Variants in SRRD observed in about 807,000 individuals in gnomAD.
SRRD encodes the protein SRR1-like protein.
SRRD carries 28 observed loss-of-function variants against 30.7 expected under a neutral mutation model. The observed-to-expected ratio is 0.91, with a 90% confidence interval of 0.68 to 1.25. SRRD has a LOEUF of 1.25. Among genes scored for constraint, SRRD ranks in the 50% most tolerant of loss-of-function variants. The pLI is 0.00. For missense variants in SRRD, 415 were observed against 417.3 expected (o/e 0.99, Z 0.05); for synonymous variants, 161 against 159.6 (o/e 1.01, Z -0.07).
chr22:26,488,484 A>G lies in SRRD; in HGVS notation c.605A>G (p.Asn202Ser), dbSNP rs1245212551. ...CTTGGTGTGACTGTTCTCAGTGAGA[A>G]CGAGGTAAGTGGTTTAAAGGGGAGC... ...NTLGVTVLSE[N>S]EEGKRSIRGE... Residue 202 changes from asparagine to serine, a missense_variant, in exon 4 of 7, where the codon AAC (asparagine) becomes AGC (serine). Physicochemically the swap from Asn to Ser is conservative, Grantham distance 46. Coordinates refer to ENST00000215917, the MANE Select transcript of SRRD (RefSeq NM_001013694.3). The G allele has an allele frequency of 6.2e-7, 1 of 1,613,176 alleles. No individual in the cohort carries two copies. Among genetic ancestry groups the G allele is most frequent in the Non-Finnish European group, 8.5e-7 (1 of 1,179,198 alleles).
rs145968579 is a variant in SRRD, at chr22:26,492,075, C to T, written c.*403C>T. On this transcript the variant is annotated 3_prime_UTR_variant, in exon 7 of 7. Transcript: ENST00000215917. The stretch of plus-strand genomic sequence containing the variant: ...GGCACCCACGTCTTCTCGCCCTGGA[C>T]AAAGACCACTCCCCGGTCGATGTAG... The T allele has an allele frequency of 8.7e-6, 14 of 1,612,720 alleles. No individual in the cohort carries two copies. Among genetic ancestry groups the T allele is most frequent in the Non-Finnish European group, 1.1e-5 (13 of 1,179,502 alleles).
rs2147113706 is a variant in SRRD, at chr22:26,491,740, T to C, written c.*68T>C. On this transcript the variant is annotated 3_prime_UTR_variant, in exon 7 of 7. Coordinates refer to ENST00000215917, the MANE Select transcript of SRRD (RefSeq NM_001013694.3). ...CACCAGAGACTAAAGGGAAGGCTGC[T>C]ATGGAGGAACTACAGAGAACTCCTT... 1.4e-6 allele frequency: 2 copies of C among 1,425,008 alleles called. No homozygotes were observed. Among genetic ancestry groups the C allele is most frequent in the Non-Finnish European group, 1.9e-6 (2 of 1,036,286 alleles). The allele number at this position is 1,425,008 out of a possible 1,614,324, so 88.3% of individuals were successfully genotyped here.
chr22:26,494,522 C>T lies in SRRD; in HGVS notation c.*2850C>T. 1.4e-6 allele frequency: 1 copy of T among 705,690 alleles called. No homozygotes were observed. Among genetic ancestry groups the T allele is most frequent in the Non-Finnish European group, 2.3e-6 (1 of 429,396 alleles). The allele number at this position is 705,690 out of a possible 1,614,324, so 43.7% of individuals were successfully genotyped here. A position where few individuals can be genotyped will look rare whatever the true frequency, so the allele number is the denominator to read the frequency against. On this transcript the variant is annotated 3_prime_UTR_variant, in exon 7 of 7. Coordinates refer to ENST00000215917, the MANE Select transcript of SRRD (RefSeq NM_001013694.3). ...TGCATGTAAACTCTCTGAGCCTCAG[C>T]TTCCATGTCTACACAACAGGGATAC... is the stretch of plus-strand genomic sequence containing the variant.
In SRRD at chr22:26,483,915, C is replaced by G; in HGVS notation, c.25C>G (p.Leu9Val). Residue 9 changes from leucine (L) to valine (V), a missense_variant, in exon 1 of 7, where the codon CTG becomes GTG. Transcript: ENST00000215917. MAAAAAAA[L>V]ESWQAAAPRK... is the part of the protein sequence containing the mutation. The stretch of plus-strand genomic sequence containing the variant: ...AATGGCTGCGGCCGCAGCTGCGGCG[C>G]TGGAATCCTGGCAGGCGGCGGCTCC... 3.0e-6 allele frequency: 4 copies of G among 1,350,024 alleles called. No homozygotes were observed. In the South Asian group the frequency reaches 5.7e-5, roughly 19 times the overall value. 83.6% of individuals were successfully genotyped at this position (1,350,024 alleles called of 1,614,324 possible).
rs1055821757 is a variant in SRRD at position 26,493,908 on chromosome 22, G to C, written c.*2236G>C. 2.0e-6 allele frequency: 1 copy of C among 509,394 alleles called. No individual in the cohort carries two copies. The highest frequency in any genetic ancestry group is 1.9e-5 in the African/African-American group (1 of 51,700). 31.6% of individuals were successfully genotyped at this position (509,394 alleles called of 1,614,324 possible). A position where few individuals can be genotyped will look rare whatever the true frequency, so the allele number is the denominator to read the frequency against. ...CTGACATCATCTGAATCCAGCTTAAGTCAGTCTCCACTCAGGGAAGATGCC... is the reference window on the plus strand; with the variant it reads ...CTGACATCATCTGAATCCAGCTTAACTCAGTCTCCACTCAGGGAAGATGCC... On this transcript the variant is annotated 3_prime_UTR_variant, in exon 7 of 7. Coordinates refer to ENST00000215917, the MANE Select transcript of SRRD (RefSeq NM_001013694.3).
chr22:26,494,446 T>A lies in SRRD; in HGVS notation c.*2774T>A, dbSNP rs550219010. ...AGGGATTTATAGTAGCTAAACAGTCTAGCACTTATGAATATGGATTTTGGA... is the reference window on the plus strand; with the variant it reads ...AGGGATTTATAGTAGCTAAACAGTCAAGCACTTATGAATATGGATTTTGGA... On this transcript the variant is annotated 3_prime_UTR_variant, in exon 7 of 7. Coordinates refer to ENST00000215917, the MANE Select transcript of SRRD (RefSeq NM_001013694.3). The A allele has an allele frequency of 1.2e-4, 124 of 1,007,714 alleles. 4 individuals are homozygous for A. The South Asian group carries it at 1.8e-3, about 14-fold the overall frequency. The allele number at this position is 1,007,714 out of a possible 1,614,324, so 62.4% of individuals were successfully genotyped here. A position where few individuals can be genotyped will look rare whatever the true frequency, so the allele number is the denominator to read the frequency against.
rs1225189060 is a variant in SRRD, at chr22:26,488,493, G to C, written c.609+5G>C. On this transcript the variant is annotated splice_donor_5th_base_variant and intron_variant, in intron 4 of 6. Coordinates refer to ENST00000215917, the MANE Select transcript of SRRD (RefSeq NM_001013694.3). ...ACTGTTCTCAGTGAGAACGAGGTAA[G>C]TGGTTTAAAGGGGAGCAGACAGAAC... The C allele has an allele frequency of 6.2e-7, 1 of 1,609,210 alleles. No homozygotes were observed. The highest frequency in any genetic ancestry group is 1.7e-5 in the Admixed American group (1 of 60,032).
rs1431192452 is a variant in SRRD, at chr22:26,491,006, G to A, written c.765-19G>A. 2.5e-6 allele frequency: 4 copies of A among 1,587,766 alleles called. No individual in the cohort carries two copies. The African/African-American group carries it at 5.6e-5, about 22-fold the overall frequency. On this transcript the variant is annotated intron_variant, in intron 5 of 6. Transcript: ENST00000215917. ...CATGGTGTTTTTTTTTTGTTTTTTT[G>A]GTTTTTTTTAATTTCTAGGTTGTTG...
chr22:26,490,559 C>CTTTTGTTTTTTTT (rs1921026177), intron 5 of SRRD, among the ~76,000 whole-genome samples: 1 of 51,832 alleles, frequency 1.9e-5, no homozygotes, highest in South Asian at 1.0e-3. Flanking sequence ...GGAATATTTG[C>CTTTTGTTTTTTTT]TTTTTTTTTT....
rs1456175742 is a variant in SRRD, at chr22:26,490,129, G to GT, written c.696dup (p.Asn233Ter). The GT allele has an allele frequency of 6.2e-7, 1 of 1,614,150 alleles. No homozygotes were observed. The highest frequency in any genetic ancestry group is 1.7e-5 in the Admixed American group (1 of 60,018). On this transcript the variant is annotated frameshift_variant, in exon 5 of 7. Coordinates refer to ENST00000215917, the MANE Select transcript of SRRD (RefSeq NM_001013694.3). LOFTEE classifies it high-confidence loss of function. ...GCCTTGTACAACAATCTTTTATGGA[G>GT]TAACTGGTCAGTAGATGCCCTTTCT...
At chr22:26,491,148 G>C (rs376016193) in intron 6 of SRRD, 78 bp downstream of exon 6, 11 of 1,454,288 alleles carry the variant, frequency 7.6e-6, no homozygotes, top group Non-Finnish European at 1.0e-5. Flanking sequence ...TACAGGCGTA[G>C]GAGGAAACTC....
rs1921602140 is a variant in SRRD at position 26,494,096 on chromosome 22, G to T, written c.*2424G>T. 6.2e-7 allele frequency: 1 copy of T among 1,605,486 alleles called. No homozygotes were observed. The highest frequency in any genetic ancestry group is 8.5e-7 in the Non-Finnish European group (1 of 1,174,620). ...TGTGTCATTTACATGTGTAAAATCT[G>T]AAACTTGGGGCCAGGACATCCAAAA... is the stretch of plus-strand genomic sequence containing the variant. On this transcript the variant is annotated 3_prime_UTR_variant, in exon 7 of 7. Transcript: ENST00000215917.
intron 6 of SRRD, 93 bp from the exon 7 acceptor site, chr22:26,491,370 A>G: frequency 9.7e-7 from 1 of 1,028,882 alleles, no homozygotes; most frequent in Non-Finnish European, 1.5e-6. Context: ...TAAAAAGTAA[A>G]GTGGGGATGA....
At chr22:26,484,154 C>A in intron 1 of SRRD, 55 bp downstream of exon 1, 1 of 1,483,746 alleles carries the variant, frequency 6.7e-7, no homozygotes, top group Non-Finnish European at 9.0e-7. Flanking sequence ...AATTCTGAGC[C>A]ACAGTCTCCC....
intron 5 of SRRD, 42 bp downstream of exon 5, chr22:26,490,240 A>G: frequency 6.2e-7 from 1 of 1,606,788 alleles, no homozygotes; most frequent in African/African-American, 1.3e-5. Flanking sequence ...CCCTGAGGTG[A>G]AGCCCATACC....
chr22:26,487,973 T>C, intron 2 of SRRD, 56 bp from the exon 3 acceptor site: 1 of 1,526,562 alleles, frequency 6.6e-7, no homozygotes, highest in Non-Finnish European at 8.8e-7. Flanking sequence ...GTGGATGATT[T>C]GGTTCACAGG....
In SRRD at chr22:26,491,844, C is replaced by A; in HGVS notation, c.*172C>A. 2 of 917,530 alleles carry A rather than the reference C, an allele frequency of 2.2e-6. No homozygotes were observed. Among genetic ancestry groups the A allele is most frequent in the Non-Finnish European group, 3.2e-6 (2 of 621,472 alleles). The allele number at this position is 917,530 out of a possible 1,614,324, so 56.8% of individuals were successfully genotyped here. ...TGAGGACTTGGTATAAAGATTCCTG[C>A]CCTACGTGGCATTGTCCCATTTTAC... On this transcript the variant is annotated 3_prime_UTR_variant, in exon 7 of 7. Coordinates refer to ENST00000215917, the MANE Select transcript of SRRD (RefSeq NM_001013694.3).
chr22:26,492,484 C>T lies in SRRD; in HGVS notation c.*812C>T. On this transcript the variant is annotated 3_prime_UTR_variant, in exon 7 of 7. Coordinates refer to ENST00000215917, the MANE Select transcript of SRRD (RefSeq NM_001013694.3). The stretch of plus-strand genomic sequence containing the variant: ...AGAGTGCTTGTGACTCACTGAAGGG[C>T]AGCTCTGCCTCAAAGATACAACTTT... The T allele has an allele frequency of 3.4e-6, 3 of 882,768 alleles. No homozygotes were observed. Among genetic ancestry groups the T allele is most frequent in the Non-Finnish European group, 1.8e-6 (1 of 563,028 alleles). 54.7% of individuals were successfully genotyped at this position (882,768 alleles called of 1,614,324 possible). A position where few individuals can be genotyped will look rare whatever the true frequency, so the allele number is the denominator to read the frequency against.
chr22:26,487,087 AATTTTTGT>A (rs1223263887), intron 2 of SRRD, among the ~76,000 whole-genome samples: 1 of 151,678 alleles, frequency 6.6e-6, no homozygotes, highest in Admixed American at 6.6e-5. Flanking sequence ...ACCCCTGGCT[AATTTTTGT>A]ATTTTTGTAG....
Sources: gnomAD v4.1 joint callset for allele counts (sites outside exome capture counted in the v4.1 genomes callset) on GRCh38, gnomAD v4.1.1 for gene constraint, MANE v1.5 for transcripts, NCBI Gene and HGNC (gene_info 2026-07-23, HGNC 2026-07-21) for gene names.